SEPSECS: variants seen among roughly 807,000 people sequenced by gnomAD.
SEPSECS encodes O-phosphoseryl-tRNA(Sec) selenium transferase.
SEPSECS carries 42 observed loss-of-function variants against 52.1 expected under a neutral mutation model. The observed-to-expected ratio is 0.81, with a 90% confidence interval of 0.63 to 1.04. The LOEUF (loss-of-function observed/expected upper bound fraction) is 1.04, where lower values mean the gene tolerates loss of function less well. SEPSECS is among the 50% of genes least tolerant of loss of function. SEPSECS has a pLI of 0.00. For missense variants in SEPSECS, 590 were observed against 610.6 expected, an observed-to-expected ratio of 0.97 and a Z score of 0.36; for synonymous variants, 216 against 211.4, an observed-to-expected ratio of 1.02 and a Z score of -0.19.
intron 1 of SEPSECS, 62 bp from the exon 2 acceptor site, chr4:25,159,169 C>G: frequency 7.5e-7 from 1 of 1,340,190 alleles, no homozygotes; most frequent in Non-Finnish European, 1.0e-6. Flanking sequence ...TAGAATACTA[C>G]AGGAATACAG....
intron 2 of SEPSECS, among the ~76,000 whole-genome samples, chr4:25,157,646 G>C (rs1427465350): frequency 6.7e-6 from 1 of 148,828 alleles, no homozygotes; most frequent in Non-Finnish European, 1.5e-5. Context: ...CCAGGTTCCC[G>C]CCATTCTCCT....
chr4:25,126,434 A>G (rs1344428350), intron 9 of SEPSECS, among the ~76,000 whole-genome samples: 1 of 152,206 alleles, frequency 6.6e-6, no homozygotes, highest in Non-Finnish European at 1.5e-5. Flanking sequence ...TTTTTATTAT[A>G]TATTGGTGTT....
At chr4:25,131,547 C>T (rs907682687) in intron 8 of SEPSECS, among the ~76,000 whole-genome samples, 1 of 152,190 alleles carries the variant, frequency 6.6e-6, no homozygotes, top group African/African-American at 2.4e-5. Flanking sequence ...AGTGGCGAAT[C>T]TTGCCTCAGA....
intron 4 of SEPSECS, among the ~76,000 whole-genome samples, chr4:25,155,476 TC>T (rs1560335652): frequency 6.6e-6 from 1 of 152,214 alleles, no homozygotes; most frequent in Non-Finnish European, 1.5e-5. Flanking sequence ...ACAAAAAGGA[TC>T]ACTTTAATCC....
intron 5 of SEPSECS, among the ~76,000 whole-genome samples, chr4:25,153,911 C>T (rs1200633707): frequency 6.6e-6 from 1 of 151,934 alleles, no homozygotes; most frequent in African/African-American, 2.4e-5. Context: ...ATTCAAAAGA[C>T]GTTAGTCAAA....
At chr4:25,158,798 C>T (rs909595451) in intron 2 of SEPSECS, 155 bp downstream of exon 2, 2 of 714,678 alleles carry the variant, frequency 2.8e-6, no homozygotes, top group South Asian at 1.8e-5. Context: ...TTGTTTCCAT[C>T]TCCCTGTTGC....
intron 5 of SEPSECS, among the ~76,000 whole-genome samples, chr4:25,153,490 G>A (rs1428156147): frequency 2.0e-5 from 3 of 151,660 alleles, no homozygotes; most frequent in East Asian, 3.9e-4. Flanking sequence ...TTTTTCATAT[G>A]TATCAAATTG....
chr4:25,124,306 C>G (rs564524407), intron 10 of SEPSECS, 81 bp from the exon 11 acceptor site: 1 of 1,302,194 alleles, frequency 7.7e-7, no homozygotes, highest in South Asian at 1.2e-5. Context: ...ATATGTGTTA[C>G]AAAGCCTTAC....
intron 8 of SEPSECS, among the ~76,000 whole-genome samples, chr4:25,135,222 A>G (rs1728788788): frequency 6.6e-6 from 1 of 152,014 alleles, no homozygotes; most frequent in South Asian, 2.1e-4. Context: ...GTGGAACTGA[A>G]GGAGACAGAG....
intron 6 of SEPSECS, among the ~76,000 whole-genome samples, chr4:25,146,432 A>G (rs895249057): frequency 1.3e-5 from 2 of 151,928 alleles, no homozygotes; most frequent in South Asian, 2.1e-4. Context: ...AAATCTCACC[A>G]TATCACAGGA....
chr4:25,131,425 A>G (rs1308518079), intron 8 of SEPSECS, among the ~76,000 whole-genome samples: 2 of 152,224 alleles, frequency 1.3e-5, no homozygotes, highest in Non-Finnish European at 2.9e-5. Flanking sequence ...TGGATGGATG[A>G]CCGAGAGTAG....
intron 6 of SEPSECS, among the ~76,000 whole-genome samples, chr4:25,146,436 C>T (rs1238023202): frequency 6.6e-6 from 1 of 151,398 alleles, no homozygotes; most frequent in African/African-American, 2.4e-5. Context: ...CTCACCATAT[C>T]ACAGGAAAAT....
rs143961202 is a variant in SEPSECS at position 25,139,144 on chromosome 4, T to A, written c.1026+5630A>T. On this transcript the variant is annotated intron_variant, in intron 8 of 10. Transcript: ENST00000382103. ...GCTCTCACACACTCTTGCGTTCCTT[T>A]CATAATTCTCATCAGATTTGTAACT... 3.8e-3 allele frequency among the ~76,000 whole-genome samples: 581 copies of A among 152,316 alleles called. 5 individuals carry two copies. The highest frequency in any genetic ancestry group is 0.013 in the African/African-American group (536 of 41,580).
intron 8 of SEPSECS, among the ~76,000 whole-genome samples, chr4:25,133,041 A>C (rs1273476389): frequency 1.3e-5 from 2 of 152,160 alleles, no homozygotes; most frequent in Non-Finnish European, 2.9e-5. Flanking sequence ...AGGAAATAAT[A>C]AGTACAATGA....
chr4:25,141,483 T>C (rs1711545689), intron 8 of SEPSECS, among the ~76,000 whole-genome samples: 1 of 152,108 alleles, frequency 6.6e-6, no homozygotes, highest in Non-Finnish European at 1.5e-5. Context: ...ACCTACAGCT[T>C]CCCCATCATA....
chr4:25,159,874 GCATA>G, intron 1 of SEPSECS: 1 of 1,114,578 alleles, frequency 9.0e-7, no homozygotes. Flanking sequence ...GTTCGAGTTA[GCATA>G]CAGTCTACAA....
chr4:25,134,661 A>C (rs1252273512), intron 8 of SEPSECS, among the ~76,000 whole-genome samples: 1 of 152,220 alleles, frequency 6.6e-6, no homozygotes, highest in East Asian at 1.9e-4. Context: ...TAATTAAATA[A>C]GTTTAACTAC....
chr4:25,148,352 CAAAAAAAAAA>C (rs34262935), intron 6 of SEPSECS, among the ~76,000 whole-genome samples: 1 of 75,588 alleles, frequency 1.3e-5, no homozygotes, highest in Non-Finnish European at 2.3e-5. Context: ...GACTCCGTCT[CAAAAAAAAAA>C]AAAAAAAAAA....
At chr4:25,146,402 T>C (rs985968385) in intron 6 of SEPSECS, among the ~76,000 whole-genome samples, 2 of 152,056 alleles carry the variant, frequency 1.3e-5, no homozygotes, top group African/African-American at 4.8e-5. Context: ...TCTAATTTCC[T>C]AATAAACCAT....
Sources: allele counts gnomAD v4.1 joint callset (sites outside exome capture counted in the v4.1 genomes callset), GRCh38; gene constraint gnomAD v4.1.1; transcripts MANE v1.5; gene names NCBI Gene and HGNC (gene_info 2026-07-23, HGNC 2026-07-21).